The following RBFOX1 variants were observed in gnomAD, a reference collection of about 807,000 sequenced individuals.
RBFOX1 encodes the protein RNA binding protein fox-1 homolog 1.
RBFOX1 carries 8 observed loss-of-function variants against 57.7 expected under a neutral mutation model. That is an observed-to-expected ratio of 0.14 (90% CI 0.08 to 0.25). The LOEUF (loss-of-function observed/expected upper bound fraction) is 0.25, where lower values mean the gene tolerates loss of function less well. Among genes scored for constraint, RBFOX1 ranks in the 10% least tolerant of loss-of-function variants. RBFOX1 has a pLI of 1.00. For missense variants in RBFOX1, 611 were observed against 548.5 expected, an observed-to-expected ratio of 1.11 and a Z score of -1.14; for synonymous variants, 326 against 222.4, an observed-to-expected ratio of 1.47 and a Z score of -4.15.
At chr16:5,707,611 T>A (rs1231106603) in intron 3 of RBFOX1, among the ~76,000 whole-genome samples, 2 of 152,216 alleles carry the variant, frequency 1.3e-5, no homozygotes, top group African/African-American at 4.8e-5. Flanking sequence ...AAGGCACAGT[T>A]TCCAGGGAAG....
At chr16:6,973,996 C>G (rs1406850546) in intron 3 of RBFOX1, among the ~76,000 whole-genome samples, 2 of 152,128 alleles carry the variant, frequency 1.3e-5, no homozygotes, top group South Asian at 4.1e-4. Flanking sequence ...TCTCATTGTT[C>G]AGCTCTCACT....
chr16:7,662,434 G>A (rs1055798000), intron 12 of RBFOX1, among the ~76,000 whole-genome samples: 25 of 152,074 alleles, frequency 1.6e-4, no homozygotes, highest in African/African-American at 4.8e-4. Flanking sequence ...CCTGGAGTTG[G>A]TAAAGCAATG....
At chr16:5,465,616 A>G (rs1567551424) in intron 1 of RBFOX1, among the ~76,000 whole-genome samples, 1 of 152,146 alleles carries the variant, frequency 6.6e-6, no homozygotes, top group South Asian at 2.1e-4. Flanking sequence ...CATGCAGCTG[A>G]GATGGAGCTG....
intron 2 of RBFOX1, among the ~76,000 whole-genome samples, chr16:6,365,164 A>G (rs1258987691): frequency 6.6e-6 from 1 of 152,216 alleles, no homozygotes; most frequent in Non-Finnish European, 1.5e-5. Flanking sequence ...TAGCAGCTAT[A>G]AATCTGTCTG....
intron 3 of RBFOX1, among the ~76,000 whole-genome samples, chr16:7,016,585 C>T (rs535771646): frequency 5.8e-4 from 89 of 152,310 alleles, no homozygotes; most frequent in African/African-American, 2.0e-3. Context: ...TTCCTCCAGC[C>T]ACACTTCCAC....
At chr16:5,464,249 A>C (rs145178346) in intron 1 of RBFOX1, among the ~76,000 whole-genome samples, 2 of 152,366 alleles carry the variant, frequency 1.3e-5, no homozygotes, top group African/African-American at 4.8e-5. Context: ...TCAGGAGAGC[A>C]GTTGGGACTA....
intron 1 of RBFOX1, among the ~76,000 whole-genome samples, chr16:6,110,047 C>T (rs563859525): frequency 6.6e-6 from 1 of 152,140 alleles, no homozygotes; most frequent in Admixed American, 6.5e-5. Flanking sequence ...TAAATAACCT[C>T]ATGTGATTTA....
At chr16:6,796,649 C>A (rs1015873638) in intron 3 of RBFOX1, among the ~76,000 whole-genome samples, 6 of 152,134 alleles carry the variant, frequency 3.9e-5, no homozygotes, top group Admixed American at 2.0e-4. Flanking sequence ...TAAAAATTTT[C>A]TCTTGTAATT....
rs769222571 is a variant in RBFOX1, at chr16:5,599,229, C to G, written c.586C>G (p.Pro196Ala). 4.3e-6 allele frequency: 3 copies of G among 691,540 alleles called. No individual in the cohort carries two copies. The South Asian group carries it at 4.6e-5, about 11-fold the overall frequency. 42.8% of individuals were successfully genotyped at this position (691,540 alleles called of 1,614,324 possible). A position where few individuals can be genotyped will look rare whatever the true frequency, so the allele number is the denominator to read the frequency against. Reference sequence around the variant, plus strand: ...GACCAGGCCCACTTGGTGGACAGATCCGGGGCACAGTGGTTGGTGACAAGG... The same window carrying G: ...GACCAGGCCCACTTGGTGGACAGATGCGGGGCACAGTGGTTGGTGACAAGG... The change falls in exon 3 of 3, where the codon CCG becomes GCG. Residue 196 changes from proline (P) to alanine (A), a missense_variant. Coordinates refer to the RBFOX1 transcript ENST00000585867.
chr16:6,859,119 A>ATACATATATATATGTATATATATATATG (rs374334575), intron 3 of RBFOX1, among the ~76,000 whole-genome samples: 1 of 82,212 alleles, frequency 1.2e-5, no homozygotes, highest in Admixed American at 1.4e-4. Context: ...GTGTATATAT[A>ATACATATATATATGTATATATATATATG]TATATATATA....
At chr16:6,117,358 C>T (rs1439639693) in intron 1 of RBFOX1, among the ~76,000 whole-genome samples, 3 of 152,216 alleles carry the variant, frequency 2.0e-5, no homozygotes, top group African/African-American at 7.2e-5. Flanking sequence ...GTTCATTATG[C>T]ATTTCAAATG....
At chr16:5,795,277 C>T (rs1230345120) in intron 3 of RBFOX1, among the ~76,000 whole-genome samples, 1 of 151,956 alleles carries the variant, frequency 6.6e-6, no homozygotes, top group African/African-American at 2.4e-5. Flanking sequence ...AGATCTGTTC[C>T]ACCTTATTGT....
At chr16:7,505,675 C>T (rs575721764) in intron 4 of RBFOX1, among the ~76,000 whole-genome samples, 1 of 152,106 alleles carries the variant, frequency 6.6e-6, no homozygotes, top group African/African-American at 2.4e-5. Context: ...CACTGCAAGT[C>T]GACCGCCCAC....
rs530564074 is a variant in RBFOX1, at chr16:7,603,884, T to A, written c.623-3401T>A. 4.7e-3 allele frequency among the ~76,000 whole-genome samples: 719 copies of A among 152,146 alleles called. 2 individuals are homozygous for A. The highest frequency in any genetic ancestry group is 8.0e-3 in the Non-Finnish European group (541 of 67,978). On this transcript the variant is annotated intron_variant, in intron 9 of 15. Coordinates refer to ENST00000550418, the MANE Select transcript of RBFOX1 (RefSeq NM_018723.4). The stretch of plus-strand genomic sequence containing the variant: ...AGGATGACAAAGCTGATGTTTTTTT[T>A]AAAAAAATTGCTTTGGTCACCATGA...
Position 6,239,410 on chromosome 16 carries a change from G to A in RBFOX1, c.-126-77585G>A, listed in dbSNP as rs1038811935. Among the ~76,000 whole-genome samples, 11 of 148,842 alleles carry A rather than the reference G, an allele frequency of 7.4e-5. 1 individual carries two copies. The highest frequency in any genetic ancestry group is 6.0e-4 in the East Asian group (3 of 5,006). The stretch of plus-strand genomic sequence containing the variant: ...AATGAAAAATTTATCATGAATACCC[G>A]TCCCATGGCACTCATGGCAGAATTG... On this transcript the variant is annotated intron_variant, in intron 1 of 15. Coordinates refer to ENST00000550418, the MANE Select transcript of RBFOX1 (RefSeq NM_018723.4).
At chr16:5,468,027 T>A (rs1378091107) in intron 2 of RBFOX1, among the ~76,000 whole-genome samples, 2 of 152,138 alleles carry the variant, frequency 1.3e-5, no homozygotes, top group Non-Finnish European at 2.9e-5. Flanking sequence ...GGAGGCGGAA[T>A]CTATGCTTGC....
At chr16:6,322,043 C>T (rs1008734864) in intron 2 of RBFOX1, among the ~76,000 whole-genome samples, 3 of 152,216 alleles carry the variant, frequency 2.0e-5, no homozygotes, top group Admixed American at 1.3e-4. Flanking sequence ...GAACCTCAGT[C>T]CCAAGCCTTA....
chr16:7,049,273 A>C (rs781117169), intron 3 of RBFOX1, among the ~76,000 whole-genome samples: 1 of 151,994 alleles, frequency 6.6e-6, no homozygotes, highest in Non-Finnish European at 1.5e-5. Flanking sequence ...GTGTCAAGAG[A>C]AGAGAGGAAA....
chr16:7,640,606 G>A (rs1161037399), intron 11 of RBFOX1, among the ~76,000 whole-genome samples: 1 of 152,194 alleles, frequency 6.6e-6, no homozygotes, highest in Non-Finnish European at 1.5e-5. Flanking sequence ...CAGAGAACAA[G>A]GCCGAGATGA....
Sources: gnomAD v4.1 joint callset for allele counts (sites outside exome capture counted in the v4.1 genomes callset) on GRCh38, gnomAD v4.1.1 for gene constraint, MANE v1.5 for transcripts, NCBI Gene and HGNC (gene_info 2026-07-23, HGNC 2026-07-21) for gene names.